The following SCARA3 variants were observed in gnomAD, a reference collection of about 807,000 sequenced individuals.
SCARA3 encodes cellular stress response gene protein.
SCARA3 carries 39 observed loss-of-function variants against 47.0 expected under a neutral mutation model. The observed-to-expected ratio is 0.83, with a 90% CI of 0.64 to 1.08. SCARA3 has a LOEUF of 1.08. Among genes scored for constraint, SCARA3 ranks in the 50% least tolerant of loss-of-function variants. SCARA3 has a pLI of 0.00. For missense variants in SCARA3, 724 were observed against 792.3 expected (o/e 0.91, Z 1.04); for synonymous variants, 356 against 334.1 (o/e 1.07, Z -0.71).
At chr8:27,681,882 G>A in the SCARA3 span, among the ~76,000 whole-genome samples, 1 of 152,040 alleles carries the variant, frequency 6.6e-6, no homozygotes, top group African/African-American at 2.4e-5. Context: ...CAAAATTCCA[G>A]CATGTATTGT....
intron 5 of SCARA3, among the ~76,000 whole-genome samples, chr8:27,664,666 A>G (rs1048102075): frequency 6.6e-6 from 1 of 152,170 alleles, no homozygotes; most frequent in Non-Finnish European, 1.5e-5. Context: ...CCGTTCTAAT[A>G]TAACCAATAG....
the SCARA3 span, among the ~76,000 whole-genome samples, chr8:27,708,500 C>T: frequency 2.6e-5 from 4 of 151,866 alleles, no homozygotes; most frequent in African/African-American, 9.7e-5. Context: ...TCTCGTAACT[C>T]TATCATAACA....
At chr8:27,701,858 T>A in the SCARA3 span, 5 of 154,264 alleles carry the variant, frequency 3.2e-5, no homozygotes, top group Non-Finnish European at 7.3e-5. Context: ...ACCAAAGGGT[T>A]TCCTGGGCTT....
chr8:27,700,735 C>T, the SCARA3 span, among the ~76,000 whole-genome samples: 1 of 152,048 alleles, frequency 6.6e-6, no homozygotes, highest in Non-Finnish European at 1.5e-5. Flanking sequence ...GCAAATGAAA[C>T]CACTCTGAGA....
the SCARA3 span, among the ~76,000 whole-genome samples, chr8:27,710,360 C>T: frequency 6.6e-6 from 1 of 151,772 alleles, no homozygotes; most frequent in Non-Finnish European, 1.5e-5. Flanking sequence ...AAAATAACAA[C>T]AATATTGCCA....
chr8:27,692,845 C>T, the SCARA3 span, among the ~76,000 whole-genome samples: 1 of 152,116 alleles, frequency 6.6e-6, no homozygotes. Flanking sequence ...TTAATCTAGG[C>T]CGGGTATGGT....
At chr8:27,689,644 C>A in the SCARA3 span, among the ~76,000 whole-genome samples, 1 of 152,090 alleles carries the variant, frequency 6.6e-6, no homozygotes, top group Non-Finnish European at 1.5e-5. Flanking sequence ...AGCTGGGAAC[C>A]GTGTGTTTGG....
chr8:27,686,490 C>T, the SCARA3 span, among the ~76,000 whole-genome samples: 1 of 151,770 alleles, frequency 6.6e-6, no homozygotes, highest in East Asian at 1.9e-4. Context: ...ACTTTAAAGA[C>T]AAAAAATAAT....
chr8:27,648,777 C>G (rs1801565669), intron 1 of SCARA3, among the ~76,000 whole-genome samples: 1 of 137,512 alleles, frequency 7.3e-6, no homozygotes, highest in Non-Finnish European at 1.6e-5. Context: ...AACAAAACGG[C>G]AAAGAAAGAG....
At chr8:27,654,799 A>G (rs1037458325) in intron 3 of SCARA3, among the ~76,000 whole-genome samples, 2 of 142,426 alleles carry the variant, frequency 1.4e-5, no homozygotes, top group African/African-American at 5.1e-5. Context: ...CAAAAAAAAA[A>G]AAAGAAAAAG....
chr8:27,670,858 C>T lies in SCARA3; in HGVS notation c.1370-42C>T. ...TCATGGGCGAGCCTCGGGTGGGGAG[C>T]CCCTGACAGACTGACCTCTCCCATC... On this transcript the variant is annotated intron_variant, in intron 5 of 5. Coordinates refer to ENST00000301904, the MANE Select transcript of SCARA3 (RefSeq NM_016240.3). The T allele has an allele frequency of 2.0e-6, 3 of 1,482,990 alleles. No homozygotes were observed. In the South Asian group the frequency reaches 4.1e-5, roughly 20 times the overall value. The allele number at this position is 1,482,990 out of a possible 1,614,324, so 91.9% of individuals were successfully genotyped here. A position where few individuals can be genotyped will look rare whatever the true frequency, so the allele number is the denominator to read the frequency against.
At chr8:27,653,360 C>T (rs1801673748) in intron 3 of SCARA3, among the ~76,000 whole-genome samples, 1 of 152,174 alleles carries the variant, frequency 6.6e-6, no homozygotes, top group South Asian at 2.1e-4. Context: ...ACAGGATTTG[C>T]ACCAAGATCC....
At chr8:27,666,625 C>T (rs1022395097) in intron 5 of SCARA3, among the ~76,000 whole-genome samples, 21 of 152,238 alleles carry the variant, frequency 1.4e-4, no homozygotes, top group Admixed American at 1.1e-3. Context: ...CTGATGTCCA[C>T]GCCAATGTGC....
At position 27,658,863 on chromosome 8, in the gene SCARA3, C is replaced by G. The variant is rs755363316; in HGVS notation, c.693C>G (p.Ser231=). ...HQINFTVGQT[S]EWIHGIQRKT... ...TCAACTTCACCGTGGGGCAGACTTC[C>G]GAGTGGATCCACGGGATCCAGCGGA... Residue 231 remains serine (S), a synonymous_variant, in exon 5 of 6, where the codon TCC becomes TCG. Coordinates refer to ENST00000301904, the MANE Select transcript of SCARA3 (RefSeq NM_016240.3). 17 of 1,614,068 alleles carry G rather than the reference C, an allele frequency of 1.1e-5. No individual in the cohort carries two copies. The highest frequency in any genetic ancestry group is 1.4e-5 in the Non-Finnish European group (16 of 1,180,044).
chr8:27,729,755 C>T, the SCARA3 span, among the ~76,000 whole-genome samples: 1 of 152,094 alleles, frequency 6.6e-6, no homozygotes, highest in Non-Finnish European at 1.5e-5. Flanking sequence ...CATGCCACTG[C>T]TCTCCAGCCC....
At chr8:27,639,041 A>G (rs1389170474) in intron 1 of SCARA3, among the ~76,000 whole-genome samples, 1 of 152,100 alleles carries the variant, frequency 6.6e-6, no homozygotes, top group Non-Finnish European at 1.5e-5. Flanking sequence ...TCACAGCTGT[A>G]TTTCCATCGG....
At chr8:27,644,006 G>A (rs773904783) in intron 1 of SCARA3, among the ~76,000 whole-genome samples, 6 of 152,110 alleles carry the variant, frequency 3.9e-5, no homozygotes, top group Admixed American at 6.5e-5. Flanking sequence ...GTCAGTGGCC[G>A]TGCTTAGCAA....
rs764214454 is a variant in SCARA3, at chr8:27,658,505, C to G, written c.335C>G (p.Ala112Gly). ...QKNLQGLDPK[A>G]LNNCSFCHEA... is the part of the protein sequence containing the mutation. Reference sequence around the variant, plus strand: ...TCCCTTTCCCCTAAAGATCCGAAAGCCCTGAACAACTGCTCTTTCTGCCAT... The same window carrying G: ...TCCCTTTCCCCTAAAGATCCGAAAGGCCTGAACAACTGCTCTTTCTGCCAT... Residue 112 changes from alanine to glycine, a missense_variant, in exon 5 of 6, where the codon GCC becomes GGC. Ala to Gly is a moderately conservative substitution (Grantham distance 60, BLOSUM62 0). Transcript: ENST00000301904. The G allele has an allele frequency of 1.6e-5, 26 of 1,607,050 alleles. 1 individual carries two copies. The South Asian group carries it at 2.9e-4, about 18-fold the overall frequency.
the SCARA3 span, among the ~76,000 whole-genome samples, chr8:27,693,134 A>AG: frequency 8.9e-6 from 1 of 112,160 alleles, no homozygotes; most frequent in South Asian, 3.3e-4. Context: ...CAAAAAAAAA[A>AG]AAAAAAAGAA....
Sources: gnomAD v4.1 joint callset for allele counts (sites outside exome capture counted in the v4.1 genomes callset) on GRCh38, gnomAD v4.1.1 for gene constraint, MANE v1.5 for transcripts, NCBI Gene and HGNC (gene_info 2026-07-23, HGNC 2026-07-21) for gene names.